Variants in USP19 observed in about 807,000 individuals in gnomAD.
USP19 encodes ubiquitin carboxyl-terminal hydrolase 19.
USP19 carries 40 observed loss-of-function variants against 144.8 expected under a neutral mutation model. That is an observed-to-expected ratio of 0.28 (90% confidence interval 0.21 to 0.36). The LOEUF (loss-of-function observed/expected upper bound fraction) is 0.36. Among genes scored for constraint, USP19 ranks in the 10% least tolerant of loss-of-function variants. The probability of loss-of-function intolerance (pLI) is 1.00; values close to 1 mark genes in which losing one functional copy is unlikely to be tolerated. For missense variants in USP19, 1,518 were observed against 1,822.5 expected (o/e 0.83, Z 3.04); for synonymous variants, 701 against 709.3 (o/e 0.99, Z 0.19).
chr3:49,114,298 G>C lies in USP19; in HGVS notation c.2293-14C>G. 1 of 1,610,074 alleles carries C rather than the reference G, an allele frequency of 6.2e-7. No individual in the cohort carries two copies. Among genetic ancestry groups the C allele is most frequent in the South Asian group, 1.1e-5 (1 of 90,944 alleles). On this transcript the variant is annotated splice_polypyrimidine_tract_variant and intron_variant, in intron 15 of 26. Transcript: ENST00000417901. The surrounding 1 kb of genome is among the most constrained non-coding windows in gnomAD (Gnocchi z 4.5). ...AGTGATGGAGACCTGTGGATGTAGA[G>C]GTGGCACTGGGTAGCTGCACACAGA...
In USP19 at chr3:49,112,540, C is replaced by G. The variant is rs1033045399; in HGVS notation, c.2595G>C (p.Leu865=). The G allele has an allele frequency of 1.9e-6, 3 of 1,613,960 alleles. No individual in the cohort carries two copies. In the African/African-American group the frequency reaches 4.0e-5, roughly 22 times the overall value. Residue 865 remains leucine (L), a synonymous_variant, in exon 18 of 27, where the codon CTG becomes CTC. Coordinates refer to ENST00000417901, the MANE Select transcript of USP19 (RefSeq NM_001199161.2). The surrounding 1 kb of genome is among the most constrained non-coding windows in gnomAD (Gnocchi z 4.9). ...SPSDTLLCFE[L]LSSELAKERV... ...GCTCCTTAGCCAACTCTGAGGATAG[C>G]AGCTCAAAGCAGAGGAGCGTATCAG...
At position 49,115,154 on chromosome 3, in the gene USP19, A is replaced by T; in HGVS notation, c.2023-37T>A. 3.7e-6 allele frequency: 6 copies of T among 1,613,178 alleles called. No individual in the cohort carries two copies. Among genetic ancestry groups the T allele is most frequent in the Non-Finnish European group, 5.1e-6 (6 of 1,179,564 alleles). On this transcript the variant is annotated intron_variant, in intron 13 of 26. Coordinates refer to ENST00000417901, the MANE Select transcript of USP19 (RefSeq NM_001199161.2). This position sits in a 1 kb window ranked among gnomAD's most constrained non-coding sequence, Gnocchi z 6.6. ...AGCCAAGGTGTGAACATGAAGCCCT[A>T]GCACCCACTGCACACCCAGCTGGCT...
chr3:49,110,884 G>C lies in USP19; in HGVS notation c.3546-21C>G, dbSNP rs371746052. Reference sequence around the variant, plus strand: ...AGTACCTGGTGGGGACAGAGATTGGGTCAGGACCAGCAAGTCTCTCTCTTC... The same window carrying C: ...AGTACCTGGTGGGGACAGAGATTGGCTCAGGACCAGCAAGTCTCTCTCTTC... On this transcript the variant is annotated intron_variant, in intron 23 of 26. Coordinates refer to ENST00000417901, the MANE Select transcript of USP19 (RefSeq NM_001199161.2). This position sits in a 1 kb window ranked among gnomAD's most constrained non-coding sequence, Gnocchi z 6.1. 1.2e-6 allele frequency: 2 copies of C among 1,614,028 alleles called. No individual in the cohort carries two copies. Among genetic ancestry groups the C allele is most frequent in the African/African-American group, 1.3e-5 (1 of 75,056 alleles).
At position 49,110,177 on chromosome 3, in the gene USP19, G is replaced by A. The variant is rs2107231848; in HGVS notation, c.4038+7C>T. On this transcript the variant is annotated splice_region_variant and intron_variant, in intron 26 of 26. Transcript: ENST00000417901. The surrounding 1 kb of genome is among the most constrained non-coding windows in gnomAD (Gnocchi z 6.1). ...CAGTATTCTGTAAAGCCTCCCACAT[G>A]CCTCACCTGGCTGGCAGCAGCCTCA... The A allele has an allele frequency of 6.6e-7, 1 of 1,514,124 alleles. No homozygotes were observed. The highest frequency in any genetic ancestry group is 8.8e-7 in the Non-Finnish European group (1 of 1,132,228). 93.8% of individuals were successfully genotyped at this position (1,514,124 alleles called of 1,614,324 possible).
In USP19 at chr3:49,117,672, C is replaced by A. The variant is rs2044396131; in HGVS notation, c.457G>T (p.Val153Leu). 2 of 1,614,092 alleles carry A rather than the reference C, an allele frequency of 1.2e-6. No individual in the cohort carries two copies. Among genetic ancestry groups the A allele is most frequent in the Non-Finnish European group, 1.7e-6 (2 of 1,180,038 alleles). ...VDAAFTDTDC[V>L]VRFAGGQQWG... ...ATGGACACACCTGCAAACCGCACCA[C>A]ACAGTCTGTATCTGTGAAAGCAGCA... The change falls in exon 4 of 27, where the codon GTG becomes TTG. Residue 153 changes from valine to leucine, a missense_variant. Val to Leu is a conservative substitution (Grantham distance 32). Around this residue, in one of 5 missense-constraint regions of USP19, gnomAD observed 707 missense variants for 728.9 expected, o/e 0.97. Transcript: ENST00000417901. This position sits in a 1 kb window ranked among gnomAD's most constrained non-coding sequence, Gnocchi z 4.4.
rs113433596 is a variant in USP19 at position 49,111,533 on chromosome 3, A to G, written c.3184T>C (p.Leu1062=). 24 of 1,612,340 alleles carry G rather than the reference A, an allele frequency of 1.5e-5. 1 individual carries two copies. Among genetic ancestry groups the G allele is most frequent in the African/African-American group, 1.3e-4 (10 of 75,056 alleles). The change falls in exon 21 of 27, where the codon TTG becomes CTG. Residue 1062 remains leucine (L), a synonymous_variant. Transcript: ENST00000417901. The surrounding 1 kb of genome is among the most constrained non-coding windows in gnomAD (Gnocchi z 5.9). The stretch of plus-strand genomic sequence containing the variant: ...CGGGACACCCTCTCGCCAGCTGGCA[A>G]GGAGCCAACCTCAATGGGCCCACTG... ...LASGPIEVGS[L]PAGERVSRPE... is the part of the protein sequence containing the mutation.
rs370025722 is a variant in USP19, at chr3:49,119,037, C to T, written c.109G>A (p.Gly37Arg). 1 of 1,614,040 alleles carries T rather than the reference C, an allele frequency of 6.2e-7. No individual in the cohort carries two copies. Among genetic ancestry groups the T allele is most frequent in the Non-Finnish European group, 8.5e-7 (1 of 1,180,024 alleles). ...CCACTCCCACCTTTCCTAGGATCTC[C>T]ATCCTTGCTCTCCTGGTTTGCTCGA... is the stretch of plus-strand genomic sequence containing the variant. The part of the protein sequence containing the change: ...KDRANQESKD[G>R]DPRKETGSRY... Residue 37 changes from glycine to arginine, a missense_variant, in exon 2 of 27, where the codon GGA becomes AGA. This residue lies in a region of USP19 where 707 missense variants were observed against 728.9 expected (regional missense o/e 0.97). Transcript: ENST00000417901.
Position 49,112,273 on chromosome 3 carries a change from G to A in USP19, c.2765+11C>T, listed in dbSNP as rs1187423302. 8 of 1,600,396 alleles carry A rather than the reference G, an allele frequency of 5.0e-6. No individual in the cohort carries two copies. The African/African-American group carries it at 1.1e-4, about 21-fold the overall frequency. ...GAAAGAAAGGGTAGGGGAGACCATG[G>A]GGGTCCTCACTGGTTGCAGTAGCCC... On this transcript the variant is annotated intron_variant, in intron 19 of 26. Transcript: ENST00000417901. The surrounding 1 kb of genome is among the most constrained non-coding windows in gnomAD (Gnocchi z 4.9).
intron 17 of USP19, 85 bp downstream of exon 17, chr3:49,113,907 G>A (rs35088758): frequency 1.4e-6 from 2 of 1,437,540 alleles, no homozygotes; most frequent in Non-Finnish European, 1.9e-6. Flanking sequence ...GTGTATGTCT[G>A]TAGATGCCAA....
In USP19 at chr3:49,110,305, G is replaced by A. The variant is rs769714264; in HGVS notation, c.3917C>T (p.Thr1306Met). 1.0e-5 allele frequency: 16 copies of A among 1,607,492 alleles called. No homozygotes were observed. The highest frequency in any genetic ancestry group is 5.5e-5 in the South Asian group (5 of 90,342). ...GTAGAAGAGTACATAGGCATAACGC[G>A]TCACAACCTGGCTCTCGTCTACCGT... ...VTTVDESQVVTRYAYVLFYRR... is the reference protein window; with the variant it reads ...VTTVDESQVVMRYAYVLFYRR... The change falls in exon 26 of 27, where the codon ACG (threonine) becomes ATG (methionine). Residue 1306 changes from threonine to methionine, a missense_variant. Around this residue, in one of 5 missense-constraint regions of USP19, gnomAD observed 122 missense variants for 200.4 expected, o/e 0.61. Transcript: ENST00000417901. This position sits in a 1 kb window ranked among gnomAD's most constrained non-coding sequence, Gnocchi z 6.1.
rs1481650459 is a variant in USP19 at position 49,111,420 on chromosome 3, C to T, written c.3218-55G>A. 4 of 1,613,194 alleles carry T rather than the reference C, an allele frequency of 2.5e-6. No homozygotes were observed. Among genetic ancestry groups the T allele is most frequent in the East Asian group, 4.5e-5 (2 of 44,894 alleles). ...CCTGCCCATCAGGGCCTCACCAGGC[C>T]CACCAGGCCCTAAACAACAGCCCCC... On this transcript the variant is annotated intron_variant, in intron 21 of 26. Transcript: ENST00000417901. The surrounding 1 kb of genome is among the most constrained non-coding windows in gnomAD (Gnocchi z 5.9).
chr3:49,108,305 C>A lies in USP19; in HGVS notation c.*107G>T. On this transcript the variant is annotated 3_prime_UTR_variant, in exon 27 of 27. Coordinates refer to ENST00000417901, the MANE Select transcript of USP19 (RefSeq NM_001199161.2). The surrounding 1 kb of genome is among the most constrained non-coding windows in gnomAD (Gnocchi z 4.8). ...CACCCAAATCATACCCCTCAGCTTC[C>A]CATTGACAGAGCCAGTGTCCTCTGG... 1 of 330,946 alleles carries A rather than the reference C, an allele frequency of 3.0e-6. No homozygotes were observed. The highest frequency in any genetic ancestry group is 5.8e-6 in the Non-Finnish European group (1 of 171,784). 20.5% of individuals were successfully genotyped at this position (330,946 alleles called of 1,614,324 possible). A position where few individuals can be genotyped will look rare whatever the true frequency, so the allele number is the denominator to read the frequency against.
chr3:49,119,199 G>C lies in USP19; in HGVS notation c.-54C>G. On this transcript the variant is annotated 5_prime_UTR_variant, in exon 2 of 27. Transcript: ENST00000417901. ...GCCCCGGGGTCGGCAACAGCGTCTG[G>C]GTCAGGGCTGCGGCGCTTTCTTCCT... 5 of 1,573,966 alleles carry C rather than the reference G, an allele frequency of 3.2e-6. No homozygotes were observed. The highest frequency in any genetic ancestry group is 4.3e-6 in the Non-Finnish European group (5 of 1,162,670).
In USP19 at chr3:49,116,005, G is replaced by C. The variant is rs1261358577; in HGVS notation, c.1471+42C>G. On this transcript the variant is annotated intron_variant, in intron 10 of 26. Coordinates refer to ENST00000417901, the MANE Select transcript of USP19 (RefSeq NM_001199161.2). The surrounding 1 kb of genome is among the most constrained non-coding windows in gnomAD (Gnocchi z 5.0). ...AGCATGTGACAGGGGTTTGGGTCCT[G>C]GTCACGTGGAACTGGGCAATGAAGG... 6.4e-7 allele frequency: 1 copy of C among 1,573,790 alleles called. No homozygotes were observed. Among genetic ancestry groups the C allele is most frequent in the South Asian group, 1.2e-5 (1 of 86,420 alleles).
chr3:49,117,940 T>C lies in USP19; in HGVS notation c.298+7A>G. On this transcript the variant is annotated splice_region_variant and intron_variant, in intron 3 of 26. Transcript: ENST00000417901. The surrounding 1 kb of genome is among the most constrained non-coding windows in gnomAD (Gnocchi z 4.4). ...CCCTAGCAACAAAAAGCCCATTCGTTACTGACCCTCTTTGGTCTGCTCCTC... is the reference window on the plus strand; with the variant it reads ...CCCTAGCAACAAAAAGCCCATTCGTCACTGACCCTCTTTGGTCTGCTCCTC... The C allele has an allele frequency of 6.2e-7, 1 of 1,613,180 alleles. No individual in the cohort carries two copies. The highest frequency in any genetic ancestry group is 8.5e-7 in the Non-Finnish European group (1 of 1,179,808).
Position 49,110,329 on chromosome 3 carries a change from G to A in USP19, c.3893C>T (p.Thr1298Met), listed in dbSNP as rs368443414. 29 of 1,601,272 alleles carry A rather than the reference G, an allele frequency of 1.8e-5. No individual in the cohort carries two copies. The highest frequency in any genetic ancestry group is 1.2e-4 in the African/African-American group (9 of 74,702). Reference protein sequence around the residue: ...WRLFDDSTVTTVDESQVVTRY... With the variant: ...WRLFDDSTVTMVDESQVVTRY... ...CGTCACAACCTGGCTCTCGTCTACC[G>A]TTGTCACTGTGCTGTCATCAAACAA... Residue 1298 changes from threonine to methionine, a missense_variant, in exon 26 of 27, where the codon ACG becomes ATG. Transcript: ENST00000417901. This position sits in a 1 kb window ranked among gnomAD's most constrained non-coding sequence, Gnocchi z 6.1.
chr3:49,115,357 G>A lies in USP19; in HGVS notation c.1893C>T (p.Arg631=), dbSNP rs1484272259. The change falls in exon 13 of 27, where the codon CGC becomes CGT. Residue 631 remains arginine (R), a synonymous_variant. Transcript: ENST00000417901. This position sits in a 1 kb window ranked among gnomAD's most constrained non-coding sequence, Gnocchi z 6.6. ...TRELRDFFHD[R]SFEAEINYNN... ...TGTAGTTGATCTCAGCCTCAAAGGAGCGGTCTAGGAATAGTAGCCGAGCAA... is the reference window on the plus strand; with the variant it reads ...TGTAGTTGATCTCAGCCTCAAAGGAACGGTCTAGGAATAGTAGCCGAGCAA... 4 of 1,614,086 alleles carry A rather than the reference G, an allele frequency of 2.5e-6. No homozygotes were observed. Among genetic ancestry groups the A allele is most frequent in the Admixed American group, 3.3e-5 (2 of 60,006 alleles).
chr3:49,119,871 A>C (rs1022646391), intron 1 of USP19, among the ~76,000 whole-genome samples: 1 of 152,076 alleles, frequency 6.6e-6, no homozygotes, highest in Non-Finnish European at 1.5e-5. Context: ...TCTTCATTTC[A>C]AGAGAAAGTC....
rs1435962143 is a variant in USP19, at chr3:49,108,653, G to A, written c.4039-125C>T. On this transcript the variant is annotated intron_variant, in intron 26 of 26. Transcript: ENST00000417901. The surrounding 1 kb of genome is among the most constrained non-coding windows in gnomAD (Gnocchi z 4.8). The stretch of plus-strand genomic sequence containing the variant: ...CAAGGCAGGCGCAGACAGCAGCGGC[G>A]TTGAGACAGAGAGACGAGATTGGGC... 2.2e-5 allele frequency: 28 copies of A among 1,281,668 alleles called. No homozygotes were observed. The highest frequency in any genetic ancestry group is 1.6e-4 in the East Asian group (5 of 30,956). 79.4% of individuals were successfully genotyped at this position (1,281,668 alleles called of 1,614,324 possible).
Sources: allele counts gnomAD v4.1 joint callset (sites outside exome capture counted in the v4.1 genomes callset), GRCh38; gene constraint gnomAD v4.1.1; regional missense constraint gnomAD v4.1.1; non-coding constraint Gnocchi (gnomAD v3.1); transcripts MANE v1.5; gene names NCBI Gene and HGNC (gene_info 2026-07-23, HGNC 2026-07-21).